TRAK1: variants seen among roughly 807,000 people sequenced by gnomAD.
The protein encoded by TRAK1 is trafficking kinesin-binding protein 1.
Under a neutral mutation model 92.1 loss-of-function variants are expected in TRAK1, and 33 were observed. That is an observed-to-expected ratio of 0.36 (90% CI 0.27 to 0.48). TRAK1 has a LOEUF of 0.48. TRAK1 is among the 20% of genes least tolerant of loss of function. The pLI, the probability that TRAK1 is intolerant of heterozygous loss-of-function variation, is 0.99. For missense variants in TRAK1, 1,123 were observed against 1,257.9 expected (o/e 0.89, Z 1.62); for synonymous variants, 521 against 517.3 (o/e 1.01, Z -0.10).
intron 1 of TRAK1, among the ~76,000 whole-genome samples, chr3:42,049,863 C>G (rs575253769): frequency 4.3e-4 from 65 of 152,254 alleles, no homozygotes; most frequent in African/African-American, 1.5e-3. Context: ...TTCTTCTGTT[C>G]TATGCATCGT....
In TRAK1 at chr3:42,040,680, C is replaced by CTTTTTT. The variant is rs569797970; in HGVS notation, c.-519+26572_-519+26577dup. Among the ~76,000 whole-genome samples, 32 of 142,968 alleles carry CTTTTTT rather than the reference C, an allele frequency of 2.2e-4. 1 individual carries two copies. In the South Asian group the frequency reaches 3.6e-3, roughly 16 times the overall value. 93.8% of individuals were successfully genotyped at this position (142,968 alleles called of 152,430 possible). On this transcript the variant is annotated intron_variant, in intron 1 of 16. Transcript: ENST00000487159. ...TGTATATCCTATGCCAGTACTACAC[C>CTTTTTT]TTTTTTTTTTTTTTGAGACGGAGTC... is the stretch of plus-strand genomic sequence containing the variant.
chr3:42,138,993 G>C (rs1160031827), intron 2 of TRAK1, among the ~76,000 whole-genome samples: 1 of 151,510 alleles, frequency 6.6e-6, no homozygotes. Context: ...TGGTGAGGCA[G>C]GGTTGAATGA....
chr3:42,139,643 A>AT (rs888761464), intron 2 of TRAK1, among the ~76,000 whole-genome samples: 6 of 152,042 alleles, frequency 3.9e-5, no homozygotes, highest in Non-Finnish European at 8.8e-5. Context: ...GCCAGGTTTC[A>AT]TTTTTTGTCA....
At chr3:42,169,063 A>G (rs1425744488) in intron 2 of TRAK1, among the ~76,000 whole-genome samples, 2 of 151,992 alleles carry the variant, frequency 1.3e-5, no homozygotes, top group Non-Finnish European at 1.5e-5. Flanking sequence ...ACGTCAGGTG[A>G]TCTACCCGCC....
chr3:42,219,558 C>G lies in TRAK1; in HGVS notation c.2028C>G (p.Ile676Met). The G allele has an allele frequency of 6.2e-7, 1 of 1,614,032 alleles. No homozygotes were observed. Residue 676 changes from isoleucine (I) to methionine (M), a missense_variant, in exon 15 of 16, where the codon ATC (isoleucine) becomes ATG (methionine). Coordinates refer to ENST00000327628, the MANE Select transcript of TRAK1 (RefSeq NM_001042646.3). ...NSTFTFTTCRILHPSDELTRV... is the reference protein window; with the variant it reads ...NSTFTFTTCRMLHPSDELTRV... ...CCTTCACCTTCACCACCTGTCGCAT[C>G]CTGCATCCTTCAGATGAGCTCACTC...
At chr3:42,214,885 C>T (rs184340759) in intron 14 of TRAK1, among the ~76,000 whole-genome samples, 1 of 152,206 alleles carries the variant, frequency 6.6e-6, no homozygotes, top group African/African-American at 2.4e-5. Flanking sequence ...AAGCCCAGAA[C>T]TAAGGCCTTT....
intron 1 of TRAK1, among the ~76,000 whole-genome samples, chr3:42,044,200 G>T (rs1351885332): frequency 1.3e-5 from 2 of 151,910 alleles, no homozygotes; most frequent in Non-Finnish European, 2.9e-5. Context: ...TTGCTCTGTC[G>T]CCCAGGCTGG....
At chr3:42,126,925 A>T (rs1559802874) in intron 2 of TRAK1, among the ~76,000 whole-genome samples, 1 of 152,204 alleles carries the variant, frequency 6.6e-6, no homozygotes, top group South Asian at 2.1e-4. Flanking sequence ...TGAATACTGC[A>T]GATAATCAGT....
In TRAK1 at chr3:42,111,289, A is replaced by G. The variant is rs117128937; in HGVS notation, c.92-14131A>G. Among the ~76,000 whole-genome samples, 326 of 152,318 alleles carry G rather than the reference A, an allele frequency of 2.1e-3. 10 individuals carry two copies. The East Asian group carries it at 0.055, about 26-fold the overall frequency. ...GTAGAACCAACTTTGGGAGGAACTC[A>G]TAGTTTAGCTTTGAAACAAAGAGGA... On this transcript the variant is annotated intron_variant, in intron 1 of 15. Transcript: ENST00000327628.
chr3:42,205,805 CTG>C (rs1204167162), intron 13 of TRAK1, among the ~76,000 whole-genome samples: 2 of 152,228 alleles, frequency 1.3e-5, no homozygotes, highest in African/African-American at 4.8e-5. Flanking sequence ...AGCTGGAACA[CTG>C]GGGTATGGAA....
At chr3:42,172,918 G>A (rs1489311759) in intron 2 of TRAK1, among the ~76,000 whole-genome samples, 1 of 152,198 alleles carries the variant, frequency 6.6e-6, no homozygotes, top group Non-Finnish European at 1.5e-5. Flanking sequence ...GGCCGAGGCA[G>A]GTGGATCACC....
intron 1 of TRAK1, among the ~76,000 whole-genome samples, chr3:42,016,680 C>T (rs965599966): frequency 6.6e-6 from 1 of 152,112 alleles, no homozygotes; most frequent in Non-Finnish European, 1.5e-5. Context: ...TTTATAGATG[C>T]GATTGTTCTG....
intron 2 of TRAK1, among the ~76,000 whole-genome samples, chr3:42,168,791 C>G (rs1233253835): frequency 6.6e-6 from 1 of 152,020 alleles, no homozygotes; most frequent in African/African-American, 2.4e-5. Context: ...AGGCTGGTCT[C>G]AAACTCTTGG....
rs987926540 is a variant in TRAK1, at chr3:42,060,242, C to G, written c.-518-26862C>G. Among the ~76,000 whole-genome samples the G allele has an allele frequency of 1.6e-4, 24 of 146,908 alleles. 1 individual carries two copies. Among genetic ancestry groups the G allele is most frequent in the African/African-American group, 5.8e-4 (23 of 39,840 alleles). On this transcript the variant is annotated intron_variant, in intron 1 of 16. Transcript: ENST00000487159. ...TATTGTAGTGTATCAGAAGGAATAGCTTCTAAGAAGAAAAATAAAGGAAGG... is the reference window on the plus strand; with the variant it reads ...TATTGTAGTGTATCAGAAGGAATAGGTTCTAAGAAGAAAAATAAAGGAAGG...
At chr3:42,149,259 C>T in intron 2 of TRAK1, 1 of 1,333,144 alleles carries the variant, frequency 7.5e-7, no homozygotes, top group South Asian at 1.7e-5. Flanking sequence ...TCCAGTGCTG[C>T]TTTATTGGCA....
chr3:42,201,151 G>A, intron 12 of TRAK1, 97 bp downstream of exon 12: 1 of 1,317,894 alleles, frequency 7.6e-7, no homozygotes, highest in Non-Finnish European at 1.1e-6. Context: ...GGAGGTAGAT[G>A]AGAGTCACCT....
chr3:42,118,566 G>A (rs1425163527), intron 1 of TRAK1, among the ~76,000 whole-genome samples: 1 of 152,188 alleles, frequency 6.6e-6, no homozygotes, highest in Non-Finnish European at 1.5e-5. Context: ...CCTCCTAGCC[G>A]CTCTCTGCAG....
intron 1 of TRAK1, among the ~76,000 whole-genome samples, chr3:42,029,109 T>C (rs1324640542): frequency 1.3e-5 from 2 of 152,074 alleles, no homozygotes; most frequent in Non-Finnish European, 2.9e-5. Flanking sequence ...ATAGAGGTGC[T>C]ACACACTTTT....
chr3:42,029,995 G>A (rs1273184816), intron 1 of TRAK1, among the ~76,000 whole-genome samples: 2 of 152,116 alleles, frequency 1.3e-5, no homozygotes, highest in Non-Finnish European at 2.9e-5. Context: ...TCAAGGCAGT[G>A]GAAGGATGTG....
Sources: gnomAD v4.1 joint callset for allele counts (sites outside exome capture counted in the v4.1 genomes callset) on GRCh38, gnomAD v4.1.1 for gene constraint, MANE v1.5 for transcripts, NCBI Gene and HGNC (gene_info 2026-07-23, HGNC 2026-07-21) for gene names.